The following PTPRK variants were observed in gnomAD, a reference collection of about 807,000 sequenced individuals.
The protein encoded by PTPRK is protein tyrosine phosphatase receptor type K.
In PTPRK, 75 loss-of-function variants were observed where a neutral mutation model predicts 178.0. That is an observed-to-expected ratio of 0.42 (90% CI 0.35 to 0.51). PTPRK has a LOEUF of 0.51. Among genes scored for constraint, PTPRK ranks in the 20% least tolerant of loss-of-function variants. The pLI is 0.02. For synonymous variants in PTPRK, 637 were observed against 620.6 expected (o/e 1.03, Z -0.39); for missense variants, 1,441 against 1,797.8 (o/e 0.80, Z 3.59).
intron 6 of PTPRK, among the ~76,000 whole-genome samples, chr6:128,191,131 G>A (rs1267339996): frequency 6.6e-6 from 1 of 152,146 alleles, no homozygotes; most frequent in African/African-American, 2.4e-5. Flanking sequence ...GAAAACTTTA[G>A]ATAAAAGGGG....
At chr6:128,398,788 C>T (rs1022621720) in intron 1 of PTPRK, among the ~76,000 whole-genome samples, 1 of 152,070 alleles carries the variant, frequency 6.6e-6, no homozygotes, top group Non-Finnish European at 1.5e-5. Flanking sequence ...TCACTTTCAC[C>T]GTTCCCACTT....
chr6:128,047,969 A>G (rs928410694), intron 13 of PTPRK, among the ~76,000 whole-genome samples: 2 of 152,154 alleles, frequency 1.3e-5, no homozygotes, highest in African/African-American at 4.8e-5. Flanking sequence ...TCTGAACACC[A>G]TATCCTGATA....
intron 1 of PTPRK, among the ~76,000 whole-genome samples, chr6:128,435,938 A>T (rs549165127): frequency 1.8e-4 from 27 of 152,046 alleles, no homozygotes; most frequent in South Asian, 1.7e-3. Flanking sequence ...TTAATTAAAT[A>T]AGTCAACTAA....
At chr6:128,395,742 A>G (rs1211762368) in intron 2 of PTPRK, among the ~76,000 whole-genome samples, 2 of 152,192 alleles carry the variant, frequency 1.3e-5, no homozygotes, top group Non-Finnish European at 2.9e-5. Context: ...CTGACAAAGT[A>G]GGGGTCAAAT....
At chr6:128,401,288 A>G (rs2128371743) in intron 1 of PTPRK, among the ~76,000 whole-genome samples, 1 of 152,322 alleles carries the variant, frequency 6.6e-6, no homozygotes, top group South Asian at 2.1e-4. Context: ...GGTACTAAGT[A>G]GTATTAGACA....
intron 13 of PTPRK, among the ~76,000 whole-genome samples, chr6:128,033,548 C>T (rs1469926563): frequency 6.6e-6 from 1 of 152,132 alleles, no homozygotes; most frequent in Admixed American, 6.5e-5. Context: ...GGTGGCTTTA[C>T]ATTTAATGAA....
At chr6:128,415,410 TAATG>T (rs1337388757) in intron 1 of PTPRK, among the ~76,000 whole-genome samples, 1 of 152,048 alleles carries the variant, frequency 6.6e-6, no homozygotes, top group East Asian at 1.9e-4. Flanking sequence ...CTTTTTCTTT[TAATG>T]AATAAGTTAG....
chr6:128,347,155 T>C (rs1026446130), intron 2 of PTPRK, among the ~76,000 whole-genome samples: 6 of 152,210 alleles, frequency 3.9e-5, no homozygotes, highest in African/African-American at 1.2e-4. Flanking sequence ...CTGGAAACAA[T>C]AATACAAATT....
At chr6:128,330,857 AAAACAAAAAC>A (rs1189421031) in intron 2 of PTPRK, among the ~76,000 whole-genome samples, 3 of 140,830 alleles carry the variant, frequency 2.1e-5, no homozygotes, top group Non-Finnish European at 4.7e-5. Context: ...CTGAAAAACA[AAAACAAAAAC>A]AAAAACAAAA....
At chr6:128,017,800 GTGTATATA>G (rs1191414913) in intron 13 of PTPRK, among the ~76,000 whole-genome samples, 1 of 30,058 alleles carries the variant, frequency 3.3e-5, no homozygotes, top group African/African-American at 1.1e-4. Flanking sequence ...AAATATATAT[GTGTATATA>G]TATATATATA....
intron 7 of PTPRK, among the ~76,000 whole-genome samples, chr6:128,096,297 T>C (rs1378915094): frequency 2.0e-5 from 3 of 152,120 alleles, no homozygotes; most frequent in East Asian, 3.9e-4. Context: ...AAAGACAACA[T>C]GAACAAAAAG....
chr6:128,007,910 A>T, intron 14 of PTPRK: 1 of 481,498 alleles, frequency 2.1e-6, no homozygotes, highest in Non-Finnish European at 3.7e-6. Context: ...GCAAATTTTT[A>T]TTGCTAAAAT....
chr6:128,176,461 A>G (rs1801092646), intron 7 of PTPRK, among the ~76,000 whole-genome samples: 1 of 151,782 alleles, frequency 6.6e-6, no homozygotes, highest in Admixed American at 6.6e-5. Flanking sequence ...AATGAACATC[A>G]CTCAATGATT....
rs74377482 is a variant in PTPRK at position 128,269,086 on chromosome 6, T to G, written c.496-26484A>C. On this transcript the variant is annotated intron_variant, in intron 3 of 29. Coordinates refer to ENST00000368226, the MANE Select transcript of PTPRK (RefSeq NM_002844.4). ...TCTTAATGAAGATGTTCATTAAGAG[T>G]TCAAAAAACAACACATAGCATAAAT... Among the ~76,000 whole-genome samples, 672 of 151,576 alleles carry G rather than the reference T, an allele frequency of 4.4e-3. 1 individual carries two copies. The highest frequency in any genetic ancestry group is 0.016 in the African/African-American group (649 of 41,358).
chr6:128,148,203 T>C (rs1165005427), intron 7 of PTPRK, among the ~76,000 whole-genome samples: 1 of 152,140 alleles, frequency 6.6e-6, no homozygotes, highest in Non-Finnish European at 1.5e-5. Context: ...CTGGCCATCA[T>C]GGTAGAAGAA....
At chr6:128,470,913 T>G (rs1850564828) in intron 1 of PTPRK, among the ~76,000 whole-genome samples, 1 of 141,056 alleles carries the variant, frequency 7.1e-6, no homozygotes, top group South Asian at 2.2e-4. Flanking sequence ...CTTTCTTCCT[T>G]TTTTTTTTTT....
At position 128,500,284 on chromosome 6, in the gene PTPRK, C is replaced by T. The variant is rs373893218; in HGVS notation, c.100+19975G>A. Among the ~76,000 whole-genome samples, 73 of 151,838 alleles carry T rather than the reference C, an allele frequency of 4.8e-4. No homozygotes were observed. The South Asian group carries it at 0.015, about 30-fold the overall frequency. On this transcript the variant is annotated intron_variant, in intron 1 of 29. Transcript: ENST00000368226. Reference sequence around the variant, plus strand: ...CAGAATGTTGAAATAGAGAGTAATACAAATTAGAAGTTGTCAGAAACAGAT... The same window carrying T: ...CAGAATGTTGAAATAGAGAGTAATATAAATTAGAAGTTGTCAGAAACAGAT...
chr6:128,299,869 A>C (rs1584003097), intron 3 of PTPRK, among the ~76,000 whole-genome samples: 1 of 152,180 alleles, frequency 6.6e-6, no homozygotes, highest in Admixed American at 6.5e-5. Flanking sequence ...AAAATTGACA[A>C]ATGGGATCTA....
chr6:128,500,111 A>G (rs975174816), intron 1 of PTPRK, among the ~76,000 whole-genome samples: 3 of 152,234 alleles, frequency 2.0e-5, no homozygotes, highest in Admixed American at 1.3e-4. Flanking sequence ...AGAGAAACAT[A>G]CACCAATGGC....
Sources: allele counts gnomAD v4.1 joint callset (sites outside exome capture counted in the v4.1 genomes callset), GRCh38; gene constraint gnomAD v4.1.1; transcripts MANE v1.5; gene names NCBI Gene and HGNC (gene_info 2026-07-23, HGNC 2026-07-21).